Variants in A2M observed in about 807,000 individuals in gnomAD.
A2M encodes C3 and PZP-like alpha-2-macroglobulin domain-containing protein 5.
Under a neutral mutation model 183.9 loss-of-function variants are expected in A2M, and 128 were observed. The ratio of observed to expected loss-of-function variants is 0.70; its 90% confidence interval spans 0.60 to 0.81. A2M has a LOEUF of 0.81. Among genes scored for constraint, A2M ranks in the 30% least tolerant of loss-of-function variants. The pLI is 0.00. For synonymous variants in A2M, 592 were observed against 670.8 expected, an observed-to-expected ratio of 0.88 and a Z score of 1.81; for missense variants, 1,495 against 1,787.6, an observed-to-expected ratio of 0.84 and a Z score of 2.95.
At chr12:9,113,331 A>G (rs767231124) in intron 2 of A2M, 29 bp downstream of exon 2, 1 of 1,608,864 alleles carries the variant, frequency 6.2e-7, no homozygotes, top group Non-Finnish European at 8.5e-7. Flanking sequence ...AAAAGAACCA[A>G]GTATATTAAG....
At chr12:9,116,182 C>G (rs921377538), upstream of A2M, 18 of 338,566 alleles carry the variant, frequency 5.3e-5, no homozygotes, top group African/African-American at 3.4e-4. Flanking sequence ...CTCACTCCCC[C>G]ACAACTCCTC....
Position 9,112,271 on chromosome 12 carries a change from G to C in A2M, c.431-60C>G, listed in dbSNP as rs74060571. On this transcript the variant is annotated intron_variant, in intron 3 of 35. Transcript: ENST00000318602. Reference sequence around the variant, plus strand: ...CCAAAGTAGGCCTGTAGGCTGGTAAGACAAGCTATTAAGGAACCAAGATTA... The same window carrying C: ...CCAAAGTAGGCCTGTAGGCTGGTAACACAAGCTATTAAGGAACCAAGATTA... 3.7e-5 allele frequency: 59 copies of C among 1,608,712 alleles called. No individual in the cohort carries two copies. In the African/African-American group the frequency reaches 7.5e-4, roughly 20 times the overall value.
At chr12:9,091,547 A>T in intron 18 of A2M, 118 bp from the exon 19 acceptor site, 1 of 1,001,172 alleles carries the variant, frequency 1.0e-6, no homozygotes, top group South Asian at 1.7e-5. Context: ...TAGAAATACC[A>T]ATAATGGAGA....
chr12:9,104,960 T>G (rs1445241365), intron 10 of A2M, among the ~76,000 whole-genome samples: 1 of 152,196 alleles, frequency 6.6e-6, no homozygotes, highest in Non-Finnish European at 1.5e-5. Context: ...AGACATGGTC[T>G]CTGCTTCTCA....
At chr12:9,100,758 T>C (rs1429557795) in intron 13 of A2M, among the ~76,000 whole-genome samples, 1 of 152,210 alleles carries the variant, frequency 6.6e-6, no homozygotes, top group East Asian at 1.9e-4. Flanking sequence ...AGCTCAGGAA[T>C]GGAAAACCAA....
At chr12:9,097,325 C>A (rs1399621848) in intron 15 of A2M, among the ~76,000 whole-genome samples, 1 of 151,980 alleles carries the variant, frequency 6.6e-6, no homozygotes, top group Non-Finnish European at 1.5e-5. Flanking sequence ...ATATAAATTT[C>A]TCTTTGTTAA....
intron 32 of A2M, among the ~76,000 whole-genome samples, 180 bp downstream of exon 32, chr12:9,070,308 A>G (rs982292391): frequency 6.6e-6 from 1 of 152,258 alleles, no homozygotes; most frequent in African/African-American, 2.4e-5. Flanking sequence ...GTCCTAGCAC[A>G]GTGCTCTGCA....
intron 10 of A2M, among the ~76,000 whole-genome samples, chr12:9,104,844 T>C (rs771400371): frequency 6.2e-4 from 95 of 152,290 alleles, no homozygotes; most frequent in African/African-American, 2.2e-3. Flanking sequence ...CAAACACCTA[T>C]TTTGGAGTGG....
intron 4 of A2M, 102 bp downstream of exon 4, chr12:9,112,057 G>C: frequency 9.3e-7 from 1 of 1,070,168 alleles, no homozygotes; most frequent in Non-Finnish European, 1.5e-6. Flanking sequence ...TACTGTTAAT[G>C]ATACCAGATT....
At chr12:9,110,165 G>T in intron 5 of A2M, 130 bp from the exon 6 acceptor site, 1 of 1,153,586 alleles carries the variant, frequency 8.7e-7, no homozygotes, top group Non-Finnish European at 1.2e-6. Flanking sequence ...GAGTAGAGGA[G>T]ATGAGTTATA....
In A2M at chr12:9,090,348, T is replaced by A. The variant is rs1424226862; in HGVS notation, c.2596+8A>T. On this transcript the variant is annotated splice_region_variant and intron_variant, in intron 20 of 35. Coordinates refer to ENST00000318602, the MANE Select transcript of A2M (RefSeq NM_000014.6). ...GTAGAGAATTATCTCTAGCAGTTTT[T>A]TGCTCACCTAATGACTTTGGGGTTA... The A allele has an allele frequency of 1.1e-5, 17 of 1,613,994 alleles. No individual in the cohort carries two copies. The highest frequency in any genetic ancestry group is 3.3e-5 in the Admixed American group (2 of 60,024).
chr12:9,109,715 G>T (rs762543733), intron 6 of A2M, among the ~76,000 whole-genome samples, 152 bp downstream of exon 6: 1 of 152,326 alleles, frequency 6.6e-6, no homozygotes, highest in African/African-American at 2.4e-5. Flanking sequence ...ACAGATCACT[G>T]ATGTCCTCAT....
At chr12:9,077,607 G>C in intron 26 of A2M, 94 bp downstream of exon 26, 1 of 1,550,430 alleles carries the variant, frequency 6.4e-7, no homozygotes, top group Non-Finnish European at 8.7e-7. Context: ...TTCCTCTGAG[G>C]CTTTCCCTTA....
chr12:9,113,288 C>G (rs1001695188), intron 2 of A2M, 72 bp downstream of exon 2: 2 of 1,518,296 alleles, frequency 1.3e-6, no homozygotes, highest in African/African-American at 1.4e-5. Flanking sequence ...AAAGCCTCAT[C>G]TGACAGAATA....
upstream of A2M, chr12:9,116,207 G>T (rs745610984): frequency 2.2e-5 from 7 of 317,066 alleles, no homozygotes; most frequent in East Asian, 4.5e-4. Context: ...CGCCTTTTAT[G>T]GTGCTTCTCA....
Position 9,106,311 on chromosome 12 carries a change from G to C in A2M, c.1029C>G (p.Ile343Met). The C allele has an allele frequency of 6.2e-7, 1 of 1,612,814 alleles. No homozygotes were observed. The highest frequency in any genetic ancestry group is 8.5e-7 in the Non-Finnish European group (1 of 1,178,978). Residue 343 changes from isoleucine (I) to methionine (M), a missense_variant, in exon 10 of 36, where the codon ATC (isoleucine) becomes ATG (methionine). Transcript: ENST00000318602. ...ATGAGAGTTTGGTTATGGTTCTTGT[G>C]ATTTCACTGGACTGCCTTCCAGTCA... is the stretch of plus-strand genomic sequence containing the variant. ...VELTGRQSSE[I>M]TRTITKLSFV... is the part of the protein sequence containing the mutation.
chr12:9,094,774 C>G (rs1949322992), intron 17 of A2M, among the ~76,000 whole-genome samples, 199 bp downstream of exon 17: 1 of 152,136 alleles, frequency 6.6e-6, no homozygotes, highest in Non-Finnish European at 1.5e-5. Context: ...GAAACTTTCT[C>G]TTTCCTTTCA....
At chr12:9,074,536 A>G in intron 29 of A2M, 24 bp downstream of exon 29, 1 of 1,576,524 alleles carries the variant, frequency 6.3e-7, no homozygotes, top group Non-Finnish European at 8.6e-7. Flanking sequence ...AAGGTGAAAT[A>G]AAAGGTTTTG....
At chr12:9,102,158 A>T (rs901505025) in intron 11 of A2M, among the ~76,000 whole-genome samples, 1 of 152,208 alleles carries the variant, frequency 6.6e-6, no homozygotes, top group Non-Finnish European at 1.5e-5. Flanking sequence ...TTGGTTTAAG[A>T]GCTGAGCTGA....
Sources: allele counts gnomAD v4.1 joint callset (sites outside exome capture counted in the v4.1 genomes callset), GRCh38; gene constraint gnomAD v4.1.1; transcripts MANE v1.5; gene names NCBI Gene and HGNC (gene_info 2026-07-23, HGNC 2026-07-21).